Variants in RANBP2 observed in about 807,000 individuals in gnomAD.
RANBP2 encodes the protein RAN binding protein 2, also known as E3 SUMO-protein ligase RanBP2.
RANBP2 carries 57 observed loss-of-function variants against 303.6 expected under a neutral mutation model. The observed-to-expected ratio is 0.19, with a 90% confidence interval of 0.15 to 0.23. The LOEUF (loss-of-function observed/expected upper bound fraction) is 0.23, where lower values mean the gene tolerates loss of function less well. Among genes scored for constraint, RANBP2 ranks in the 10% least tolerant of loss-of-function variants. The pLI is 1.00. For missense variants in RANBP2, 3,138 were observed against 3,780.8 expected (o/e 0.83, Z 4.46); for synonymous variants, 1,167 against 1,301.5 (o/e 0.90, Z 2.23).
the RANBP2 span, among the ~76,000 whole-genome samples, chr2:109,611,823 G>A: frequency 6.6e-6 from 1 of 152,110 alleles, no homozygotes; most frequent in Non-Finnish European, 1.5e-5. Context: ...TTAAAAATAA[G>A]GACACCACCA....
At chr2:109,359,852 G>T in the RANBP2 span, among the ~76,000 whole-genome samples, 29 of 152,246 alleles carry the variant, frequency 1.9e-4, no homozygotes, top group Middle Eastern at 3.4e-3. Context: ...CCCCATGCAA[G>T]CACAACCATA....
chr2:109,514,865 C>A, the RANBP2 span, among the ~76,000 whole-genome samples: 17 of 152,150 alleles, frequency 1.1e-4, no homozygotes, highest in Admixed American at 7.8e-4. Context: ...CTGCCTCCTC[C>A]TTTCCCTGGT....
chr2:109,760,911 C>G, the RANBP2 span, among the ~76,000 whole-genome samples: 1 of 134,842 alleles, frequency 7.4e-6, no homozygotes, highest in Non-Finnish European at 1.6e-5. Flanking sequence ...GCCTGCCTCG[C>G]CAGCCCTTTT....
the RANBP2 span, among the ~76,000 whole-genome samples, chr2:109,186,642 T>G: frequency 6.6e-6 from 1 of 152,138 alleles, no homozygotes; most frequent in Admixed American, 6.5e-5. Flanking sequence ...TGGGTTGGGA[T>G]GGAGCCCCCT....
chr2:109,521,048 T>C, the RANBP2 span, among the ~76,000 whole-genome samples: 1 of 150,888 alleles, frequency 6.6e-6, no homozygotes, highest in Non-Finnish European at 1.5e-5. Context: ...AAACCCCGTC[T>C]CTACTAAAAA....
the RANBP2 span, among the ~76,000 whole-genome samples, chr2:109,673,435 C>T: frequency 2.0e-5 from 3 of 152,196 alleles, no homozygotes; most frequent in Admixed American, 6.5e-5. Flanking sequence ...CTGTTTTTCT[C>T]ATGGAACCCC....
chr2:109,124,012 ATTTATTT>A, the RANBP2 span, among the ~76,000 whole-genome samples: 2 of 93,950 alleles, frequency 2.1e-5, no homozygotes, highest in African/African-American at 6.1e-5. Flanking sequence ...TTATTTATTT[ATTTATTT>A]ATTATTTTTT....
At chr2:109,569,846 CG>C in the RANBP2 span, among the ~76,000 whole-genome samples, 1 of 146,916 alleles carries the variant, frequency 6.8e-6, no homozygotes, top group East Asian at 2.0e-4. Context: ...TCACCAATGG[CG>C]TAAGAGAAGA....
At chr2:109,279,984 C>T in the RANBP2 span, among the ~76,000 whole-genome samples, 3 of 152,184 alleles carry the variant, frequency 2.0e-5, no homozygotes, top group South Asian at 4.2e-4. Context: ...CCCTGGGCCA[C>T]GGTTTCTCTT....
At chr2:109,482,704 C>G in the RANBP2 span, among the ~76,000 whole-genome samples, 2 of 152,212 alleles carry the variant, frequency 1.3e-5, no homozygotes, top group African/African-American at 4.8e-5. Context: ...CCCTCAGCTC[C>G]CTGTCCCTGC....
chr2:109,035,139 C>T, the RANBP2 span, among the ~76,000 whole-genome samples: 2 of 152,168 alleles, frequency 1.3e-5, no homozygotes, highest in African/African-American at 2.4e-5. Context: ...TATTGTAAGA[C>T]ATCATTTGTT....
chr2:109,764,100 T>A, the RANBP2 span, among the ~76,000 whole-genome samples: 7 of 148,668 alleles, frequency 4.7e-5, no homozygotes, highest in Admixed American at 4.9e-4. Flanking sequence ...TTTCAACTTT[T>A]TCAGCCATAC....
At chr2:109,388,562 G>T in the RANBP2 span, among the ~76,000 whole-genome samples, 1 of 152,232 alleles carries the variant, frequency 6.6e-6, no homozygotes, top group South Asian at 2.1e-4. Context: ...GAAGTGCTGA[G>T]CAGTGTTTAG....
At chr2:109,191,188 T>G in the RANBP2 span, among the ~76,000 whole-genome samples, 1 of 152,070 alleles carries the variant, frequency 6.6e-6, no homozygotes, top group African/African-American at 2.4e-5. Flanking sequence ...GGAGGAAGGA[T>G]GCAGTGATGC....
chr2:109,674,719 A>G, the RANBP2 span, among the ~76,000 whole-genome samples: 1 of 152,164 alleles, frequency 6.6e-6, no homozygotes, highest in Non-Finnish European at 1.5e-5. Context: ...GTATCTACTA[A>G]CTCCTTGTTA....
the RANBP2 span, among the ~76,000 whole-genome samples, chr2:108,982,555 C>G: frequency 6.6e-6 from 1 of 152,196 alleles, no homozygotes; most frequent in African/African-American, 2.4e-5. Context: ...CCTTCAAAAG[C>G]AACAACTGTG....
the RANBP2 span, among the ~76,000 whole-genome samples, chr2:109,277,895 C>T: frequency 1.6e-3 from 248 of 151,816 alleles, 1 homozygote; most frequent in Middle Eastern, 0.014. Flanking sequence ...GCATTTCAGG[C>T]CGGGTGTGGT....
chr2:109,565,723 A>C, the RANBP2 span: 1 of 1,499,164 alleles, frequency 6.7e-7, no homozygotes, highest in South Asian at 1.1e-5. Context: ...TGAGATTACT[A>C]GATAGATACA....
chr2:109,659,027 T>G, the RANBP2 span, among the ~76,000 whole-genome samples: 1 of 151,726 alleles, frequency 6.6e-6, no homozygotes, highest in Non-Finnish European at 1.5e-5. Context: ...ATCACGCCAT[T>G]GCACTCCAGC....
Sources: allele counts gnomAD v4.1 joint callset (sites outside exome capture counted in the v4.1 genomes callset), GRCh38; gene constraint gnomAD v4.1.1; transcripts MANE v1.5; gene names NCBI Gene and HGNC (gene_info 2026-07-23, HGNC 2026-07-21).